The following NFKBID variants were observed in gnomAD, a reference collection of about 807,000 sequenced individuals.
The protein encoded by NFKBID is NFKB inhibitor delta.
NFKBID carries 26 observed loss-of-function variants against 53.4 expected under a neutral mutation model. That is an observed-to-expected ratio of 0.49 (90% CI 0.36 to 0.68). NFKBID has a LOEUF of 0.68. NFKBID is among the 30% of genes least tolerant of loss of function. The pLI is 0.00. For synonymous variants in NFKBID, 262 were observed against 259.8 expected, an observed-to-expected ratio of 1.01 and a Z score of -0.08; for missense variants, 493 against 614.1, an observed-to-expected ratio of 0.80 and a Z score of 2.08.
rs1975172545 is a variant in NFKBID, at chr19:35,896,604, G to A, written c.685-66C>T. 2 of 1,576,726 alleles carry A rather than the reference G, an allele frequency of 1.3e-6. No homozygotes were observed. The highest frequency in any genetic ancestry group is 1.7e-6 in the Non-Finnish European group (2 of 1,149,862). ...CTCCCGTCAGAAAACCAGGCTCCCA[G>A]CCCCATCCCCCCTCAGCCCCAGGAG... On this transcript the variant is annotated intron_variant, in intron 6 of 11. Transcript: ENST00000641389. This position sits in a 1 kb window ranked among gnomAD's most constrained non-coding sequence, Gnocchi z 5.7.
chr19:35,895,796 C>T (rs1399998342), intron 9 of NFKBID, among the ~76,000 whole-genome samples, 184 bp downstream of exon 9: 1 of 152,158 alleles, frequency 6.6e-6, no homozygotes, highest in African/African-American at 2.4e-5. Flanking sequence ...AAGAGCAAAA[C>T]TCCATCTCAA....
At position 35,896,521 on chromosome 19, in the gene NFKBID, C is replaced by T. The variant is rs961182208; in HGVS notation, c.702G>A (p.Ala234=). 70 of 1,613,928 alleles carry T rather than the reference C, an allele frequency of 4.3e-5. No individual in the cohort carries two copies. Among genetic ancestry groups the T allele is most frequent in the Non-Finnish European group, 5.5e-5 (65 of 1,179,956 alleles). ...CAATCAGGGGCTGGTTGGCAGCAGC[C>T]GCCACCAGGAGAGGGGTCTGCAGGC... Residue 234 remains alanine (A), a synonymous_variant, in exon 7 of 12, where the codon GCG becomes GCA. Transcript: ENST00000641389. This position sits in a 1 kb window ranked among gnomAD's most constrained non-coding sequence, Gnocchi z 5.7.
At chr19:35,900,827 C>CTTTCTTTTTTTTTTT (rs1975529581), upstream of NFKBID, among the ~76,000 whole-genome samples, 5 of 107,602 alleles carry the variant, frequency 4.6e-5, no homozygotes, top group East Asian at 2.8e-4. Context: ...TTTTTCTTTT[C>CTTTCTTTTTTTTTTT]TTTTTTTTTT....
At chr19:35,902,081 T>C (rs1177294635), upstream of NFKBID, 2 of 681,402 alleles carry the variant, frequency 2.9e-6, no homozygotes, top group Non-Finnish European at 5.4e-6. Context: ...CCTTATCCCC[T>C]GAACTCCTAA....
intron 1 of NFKBID, among the ~76,000 whole-genome samples, chr19:35,899,293 C>A (rs1228810835): frequency 4.6e-5 from 7 of 152,102 alleles, no homozygotes; most frequent in Non-Finnish European, 1.5e-5. Flanking sequence ...AAAGGCCTCA[C>A]CCCGGGCCGG....
At chr19:35,900,561 C>T in exon 1 of NFKBID, 3 of 1,231,554 alleles carry the variant, frequency 2.4e-6, no homozygotes, top group South Asian at 4.1e-5. Context: ...CCGGTACCCG[C>T]GAGTTTTTAA....
intron 1 of NFKBID, among the ~76,000 whole-genome samples, chr19:35,899,120 T>TA (rs1393994330): frequency 5.3e-5 from 8 of 152,102 alleles, no homozygotes; most frequent in African/African-American, 9.7e-5. Flanking sequence ...CCCACTTCCG[T>TA]AAAAAAATTC....
Position 35,896,117 on chromosome 19 carries a change from G to T in NFKBID, c.895C>A (p.Leu299Ile). 1 of 1,614,080 alleles carries T rather than the reference G, an allele frequency of 6.2e-7. No homozygotes were observed. The highest frequency in any genetic ancestry group is 8.5e-7 in the Non-Finnish European group (1 of 1,179,984). Residue 299 changes from leucine (L) to isoleucine (I), a missense_variant, in exon 9 of 12, where the codon CTC (leucine) becomes ATC (isoleucine). Physicochemically the swap from Leu to Ile is conservative, Grantham distance 5. Transcript: ENST00000641389. The surrounding 1 kb of genome is among the most constrained non-coding windows in gnomAD (Gnocchi z 5.7). ...TTAAGGGCCAGGATGGCCGTGTGGAGCGGGGTGAGGCCTGCAGAATGGAGA... is the reference window on the plus strand; with the variant it reads ...TTAAGGGCCAGGATGGCCGTGTGGATCGGGGTGAGGCCTGCAGAATGGAGA...
intron 3 of NFKBID, 119 bp downstream of exon 3, chr19:35,898,350 GAAA>G (rs575018690): frequency 2.9e-4 from 178 of 605,630 alleles, no homozygotes; most frequent in Middle Eastern, 4.4e-4. Context: ...TCCTGTCTCA[GAAA>G]AAAAAAAAAA....
At chr19:35,897,653 C>T (rs1349625666) in exon 4 of NFKBID, 1 of 1,545,056 alleles carries the variant, frequency 6.5e-7, no homozygotes, top group Non-Finnish European at 9.0e-7. Flanking sequence ...TATCTCACCT[C>T]CATGCCCTGG....
At chr19:35,899,312 G>A (rs1975411384) in intron 1 of NFKBID, among the ~76,000 whole-genome samples, 1 of 152,054 alleles carries the variant, frequency 6.6e-6, no homozygotes, top group Non-Finnish European at 1.5e-5. Context: ...GGGAGCGGTG[G>A]CTCACGCCTG....
At chr19:35,898,254 G>C (rs956574191) in intron 3 of NFKBID, among the ~76,000 whole-genome samples, 19 of 151,906 alleles carry the variant, frequency 1.3e-4, no homozygotes, top group African/African-American at 4.6e-4. Flanking sequence ...AGGCTGAGGC[G>C]GGAGGATCAC....
chr19:35,901,449 GC>G (rs1975562672), upstream of NFKBID: 1 of 152,234 alleles, frequency 6.6e-6, no homozygotes, highest in Non-Finnish European at 1.5e-5. Flanking sequence ...TGTGAACTAA[GC>G]AGGCAGGAAT....
At chr19:35,900,332 G>C in intron 1 of NFKBID, 110 bp downstream of exon 1, 1 of 854,492 alleles carries the variant, frequency 1.2e-6, no homozygotes, top group Non-Finnish European at 1.6e-6. Context: ...CCTCACTCTC[G>C]GGATAAAGGA....
intron 1 of NFKBID, among the ~76,000 whole-genome samples, chr19:35,899,202 T>G (rs8110931): frequency 0.99 from 151,044 of 152,222 alleles, 74,947 homozygotes; most frequent in Middle Eastern, 1. Context: ...CTCCCTAGAC[T>G]CACATCCAGG....
chr19:35,893,602 C>T (rs1329003181), intron 9 of NFKBID, among the ~76,000 whole-genome samples: 5 of 151,050 alleles, frequency 3.3e-5, no homozygotes, highest in Admixed American at 6.6e-5. Flanking sequence ...GGGTGGATCA[C>T]GAGGTCAGGA....
chr19:35,892,417 G>GCA (rs1468535789), intron 9 of NFKBID, among the ~76,000 whole-genome samples: 4 of 151,678 alleles, frequency 2.6e-5, no homozygotes, highest in Admixed American at 2.6e-4. Context: ...GGGTGTGATA[G>GCA]CACATGCCTA....
chr19:35,895,929 G>A, intron 9 of NFKBID, 51 bp downstream of exon 9: 3 of 1,563,490 alleles, frequency 1.9e-6, no homozygotes, highest in Non-Finnish European at 1.7e-6. Flanking sequence ...CATCCAAGTG[G>A]CCCCATTCCA....
Position 35,896,541 on chromosome 19 carries a change from G to A in NFKBID, c.685-3C>T, listed in dbSNP as rs779744819. On this transcript the variant is annotated splice_polypyrimidine_tract_variant and splice_region_variant and intron_variant, in intron 6 of 11. Coordinates refer to ENST00000641389, the Ensembl canonical transcript of NFKBID. The surrounding 1 kb of genome is among the most constrained non-coding windows in gnomAD (Gnocchi z 5.7). ...GCAGCCGCCACCAGGAGAGGGGTCT[G>A]CAGGCCACAGGAGAAGTCAGGTTGG... is the stretch of plus-strand genomic sequence containing the variant. The A allele has an allele frequency of 9.3e-6, 15 of 1,613,762 alleles. No homozygotes were observed. Among genetic ancestry groups the A allele is most frequent in the East Asian group, 2.2e-5 (1 of 44,882 alleles).
Sources: allele counts gnomAD v4.1 joint callset (sites outside exome capture counted in the v4.1 genomes callset), GRCh38; gene constraint gnomAD v4.1.1; non-coding constraint Gnocchi (gnomAD v3.1); transcripts MANE v1.5; gene names NCBI Gene and HGNC (gene_info 2026-07-23, HGNC 2026-07-21).